The following STAP1 variants were observed in gnomAD, a reference collection of about 807,000 sequenced individuals.
STAP1 encodes signal-transducing adaptor protein 1.
STAP1 carries 30 observed loss-of-function variants against 37.8 expected under a neutral mutation model. The ratio of observed to expected loss-of-function variants is 0.79; its 90% CI spans 0.59 to 1.08. The LOEUF (loss-of-function observed/expected upper bound fraction) is 1.08. Ranked by LOEUF, STAP1 falls within the 50% of genes least tolerant of loss-of-function variation. The pLI is 0.00. For synonymous variants in STAP1, 130 were observed against 116.0 expected, an observed-to-expected ratio of 1.12 and a Z score of -0.78; for missense variants, 357 against 349.4, an observed-to-expected ratio of 1.02 and a Z score of -0.17.
intron 1 of STAP1, among the ~76,000 whole-genome samples, chr4:67,568,867 T>C (rs775490643): frequency 7.9e-5 from 12 of 152,246 alleles, no homozygotes; most frequent in Admixed American, 5.2e-4. Flanking sequence ...CCTTCACTGG[T>C]CCATCTGACA....
chr4:67,569,079 C>T (rs1439797870), intron 1 of STAP1, among the ~76,000 whole-genome samples: 2 of 152,146 alleles, frequency 1.3e-5, no homozygotes, highest in African/African-American at 2.4e-5. Context: ...ATGGTATAGC[C>T]TATTACACAC....
rs1727741269 is a variant in STAP1 at position 67,577,205 on chromosome 4, A to G, written c.309A>G (p.Thr103=). Residue 103 remains threonine (T), a splice_region_variant and synonymous_variant, in exon 4 of 9, where the codon ACA becomes ACG. Transcript: ENST00000265404. Reference sequence around the variant, plus strand: ...TCTGTTTTTGTCTTCAACTTTAGACAGAGAACACAGAAAGTGGGGAAGAAT... The same window carrying G: ...TCTGTTTTTGTCTTCAACTTTAGACGGAGAACACAGAAAGTGGGGAAGAAT... The part of the protein sequence containing the change: ...VLPKEEVQLK[T]ENTESGEEWR... 1 of 1,610,240 alleles carries G rather than the reference A, an allele frequency of 6.2e-7. No individual in the cohort carries two copies. The highest frequency in any genetic ancestry group is 1.3e-5 in the African/African-American group (1 of 74,616).
At chr4:67,579,286 G>A (rs1727797390) in intron 4 of STAP1, among the ~76,000 whole-genome samples, 1 of 152,212 alleles carries the variant, frequency 6.6e-6, no homozygotes. Flanking sequence ...TAGTAGAGAA[G>A]TGAGAGAAGC....
intron 1 of STAP1, among the ~76,000 whole-genome samples, chr4:67,559,688 A>C (rs1727290836): frequency 6.6e-6 from 1 of 152,248 alleles, no homozygotes; most frequent in East Asian, 1.9e-4. Context: ...ATTAAATAAA[A>C]AAATCATTAA....
intron 2 of STAP1, among the ~76,000 whole-genome samples, chr4:67,574,209 T>C (rs1270087061): frequency 6.6e-6 from 1 of 152,128 alleles, no homozygotes; most frequent in Non-Finnish European, 1.5e-5. Context: ...GTAATGTCCA[T>C]ACAGACAATT....
chr4:67,587,787 C>G (rs1728019418), intron 6 of STAP1, among the ~76,000 whole-genome samples: 1 of 145,508 alleles, frequency 6.9e-6, no homozygotes, highest in Admixed American at 7.0e-5. Context: ...ATGGCGCGAT[C>G]TCAGCTCACC....
At chr4:67,597,045 T>C (rs188560785) in intron 8 of STAP1, among the ~76,000 whole-genome samples, 5 of 152,288 alleles carry the variant, frequency 3.3e-5, no homozygotes, top group Admixed American at 3.3e-4. Flanking sequence ...TCAGAAATTT[T>C]CAAGGCAGCC....
chr4:67,602,722 C>CCT (rs899574031), intron 8 of STAP1, among the ~76,000 whole-genome samples: 4 of 151,264 alleles, frequency 2.6e-5, no homozygotes, highest in South Asian at 2.1e-4. Flanking sequence ...CTCCCCACCT[C>CCT]CTCTCTCTCT....
chr4:67,592,405 A>G (rs1469081925), intron 7 of STAP1, among the ~76,000 whole-genome samples: 1 of 152,194 alleles, frequency 6.6e-6, no homozygotes, highest in East Asian at 1.9e-4. Context: ...TAGACCGGCA[A>G]ATTATCCTGT....
intron 4 of STAP1, among the ~76,000 whole-genome samples, chr4:67,580,411 T>C (rs921091985): frequency 8.5e-5 from 13 of 152,240 alleles, no homozygotes; most frequent in African/African-American, 3.1e-4. Context: ...TGTACGCATA[T>C]TAAAACATAT....
Position 67,606,608 on chromosome 4 carries a change from A to C in STAP1, c.*251A>C, listed in dbSNP as rs1205381712. Reference sequence around the variant, plus strand: ...GATATACACATTCCCATGCACTGACATAAGTTGAAAACACATAGTACTTTC... The same window carrying C: ...GATATACACATTCCCATGCACTGACCTAAGTTGAAAACACATAGTACTTTC... On this transcript the variant is annotated 3_prime_UTR_variant, in exon 9 of 9. Coordinates refer to ENST00000265404, the MANE Select transcript of STAP1 (RefSeq NM_012108.4). 1 of 331,836 alleles carries C rather than the reference A, an allele frequency of 3.0e-6. No homozygotes were observed. Among genetic ancestry groups the C allele is most frequent in the Admixed American group, 4.9e-5 (1 of 20,560 alleles). 20.6% of individuals were successfully genotyped at this position (331,836 alleles called of 1,614,324 possible).
intron 8 of STAP1, among the ~76,000 whole-genome samples, chr4:67,594,477 A>C (rs899248728): frequency 2.6e-5 from 4 of 151,466 alleles, no homozygotes; most frequent in African/African-American, 9.7e-5. Context: ...TAAATTGTGA[A>C]TGTAAGAGGG....
intron 1 of STAP1, among the ~76,000 whole-genome samples, chr4:67,561,998 G>A (rs1378835179): frequency 1.4e-5 from 2 of 148,124 alleles, no homozygotes; most frequent in Non-Finnish European, 3.0e-5. Flanking sequence ...CTTGAACCTG[G>A]GAGTCAGAGG....
Position 67,606,580 on chromosome 4 carries a change from G to GATATA in STAP1, c.*223_*224insATATA. ...GAGACTACGGCTGTGGTGGTAACCT[G>GATATA]CAGATATACACATTCCCATGCACTG... On this transcript the variant is annotated 3_prime_UTR_variant, in exon 9 of 9. Coordinates refer to ENST00000265404, the MANE Select transcript of STAP1 (RefSeq NM_012108.4). The GATATA allele has an allele frequency of 2.2e-6, 1 of 452,268 alleles. No homozygotes were observed. Among genetic ancestry groups the GATATA allele is most frequent in the Non-Finnish European group, 3.9e-6 (1 of 256,908 alleles). 28.0% of individuals were successfully genotyped at this position (452,268 alleles called of 1,614,324 possible). A position where few individuals can be genotyped will look rare whatever the true frequency, so the allele number is the denominator to read the frequency against.
intron 8 of STAP1, among the ~76,000 whole-genome samples, chr4:67,600,630 G>A (rs1390787495): frequency 6.6e-6 from 1 of 152,036 alleles, no homozygotes; most frequent in East Asian, 1.9e-4. Context: ...TCTCCCTTTA[G>A]CTATAATAAT....
chr4:67,602,743 G>T (rs889482153), intron 8 of STAP1, among the ~76,000 whole-genome samples: 2 of 152,170 alleles, frequency 1.3e-5, no homozygotes, highest in African/African-American at 2.4e-5. Flanking sequence ...CTCTGTGTGT[G>T]TGTGCTGAGC....
At chr4:67,562,397 A>G (rs1321534492) in intron 1 of STAP1, among the ~76,000 whole-genome samples, 1 of 152,102 alleles carries the variant, frequency 6.6e-6, no homozygotes, top group African/African-American at 2.4e-5. Context: ...ACAGTTCTCT[A>G]TGGCAGTAAT....
At chr4:67,593,494 A>G (rs556424617) in intron 8 of STAP1, 138 bp downstream of exon 8, 1 of 633,174 alleles carries the variant, frequency 1.6e-6, no homozygotes, top group Non-Finnish European at 2.7e-6. Context: ...TTTGGAAATC[A>G]TTTTGTCACT....
At chr4:67,601,607 T>C (rs1728343471) in intron 8 of STAP1, among the ~76,000 whole-genome samples, 2 of 152,236 alleles carry the variant, frequency 1.3e-5, no homozygotes, top group Admixed American at 1.3e-4. Flanking sequence ...GTTTGAAGGA[T>C]ATTTTCACTG....
Sources: allele counts gnomAD v4.1 joint callset (sites outside exome capture counted in the v4.1 genomes callset), GRCh38; gene constraint gnomAD v4.1.1; transcripts MANE v1.5; gene names NCBI Gene and HGNC (gene_info 2026-07-23, HGNC 2026-07-21).